The following TREM2 variants were observed in gnomAD, a reference collection of about 807,000 sequenced individuals.
The protein encoded by TREM2 is triggering receptor expressed on monocytes 2.
Under a neutral mutation model 22.9 loss-of-function variants are expected in TREM2, and 20 were observed. That is an observed-to-expected ratio of 0.87 (90% confidence interval 0.61 to 1.27). The LOEUF is 1.27. Among genes scored for constraint, TREM2 ranks in the 50% most tolerant of loss-of-function variants. The pLI, the probability that TREM2 is intolerant of heterozygous loss-of-function variation, is 0.00. For synonymous variants in TREM2, 111 were observed against 120.9 expected (o/e 0.92, Z 0.54); for missense variants, 267 against 289.0 (o/e 0.92, Z 0.55).
chr6:41,158,517 A>G lies in TREM2; in HGVS notation c.*247T>C. ...ATGATGCCCAAAACTATCCAGCTAAATATGACAGTCTTGGATTTATTTGTA... is the reference window on the plus strand; with the variant it reads ...ATGATGCCCAAAACTATCCAGCTAAGTATGACAGTCTTGGATTTATTTGTA... On this transcript the variant is annotated 3_prime_UTR_variant, in exon 5 of 5. Transcript: ENST00000373113. 1 of 1,346,594 alleles carries G rather than the reference A, an allele frequency of 7.4e-7. No homozygotes were observed. Among genetic ancestry groups the G allele is most frequent in the Non-Finnish European group, 1.0e-6 (1 of 992,968 alleles). The allele number at this position is 1,346,594 out of a possible 1,614,324, so 83.4% of individuals were successfully genotyped here. A position where few individuals can be genotyped will look rare whatever the true frequency, so the allele number is the denominator to read the frequency against.
At chr6:41,161,759 T>C in intron 1 of TREM2, 146 bp from the exon 2 acceptor site, 1 of 717,622 alleles carries the variant, frequency 1.4e-6, no homozygotes, top group Non-Finnish European at 2.4e-6. Context: ...CAGCATGTGT[T>C]TGTGGGAAAT....
rs1765604363 is a variant in TREM2, at chr6:41,162,940, T to G, written c.40+103A>C. Reference sequence around the variant, plus strand: ...ACAGGGCACTCAGGCATGCGAGGACTGCCACCGCCTTCATAATTCACCCCA... The same window carrying G: ...ACAGGGCACTCAGGCATGCGAGGACGGCCACCGCCTTCATAATTCACCCCA... On this transcript the variant is annotated intron_variant, in intron 1 of 4. Transcript: ENST00000373113. 2.7e-6 allele frequency: 4 copies of G among 1,503,638 alleles called. No homozygotes were observed. The African/African-American group carries it at 5.5e-5, about 21-fold the overall frequency. The allele number at this position is 1,503,638 out of a possible 1,614,324, so 93.1% of individuals were successfully genotyped here.
At chr6:41,160,101 C>T (rs764276702) in intron 2 of TREM2, among the ~76,000 whole-genome samples, 2 of 152,166 alleles carry the variant, frequency 1.3e-5, no homozygotes, top group Non-Finnish European at 2.9e-5. Flanking sequence ...GTGAGGGCAC[C>T]TCTGTGCCGT....
chr6:41,161,480 G>T lies in TREM2; in HGVS notation c.174C>A (p.Gly58=). The T allele has an allele frequency of 6.2e-7, 1 of 1,614,216 alleles. No homozygotes were observed. Among genetic ancestry groups the T allele is most frequent in the Middle Eastern group, 1.7e-4 (1 of 6,060 alleles). Residue 58 remains glycine, a synonymous_variant, in exon 2 of 5, where the codon GGC becomes GGA. Coordinates refer to ENST00000373113, the MANE Select transcript of TREM2 (RefSeq NM_018965.4). ...GCGTGCTGACCACACGCTGGCATGGGCCCTTCTCTCCCAGCTGGCGGCACC... is the reference window on the plus strand; with the variant it reads ...GCGTGCTGACCACACGCTGGCATGGTCCCTTCTCTCCCAGCTGGCGGCACC... The part of the protein sequence containing the change: ...KAWCRQLGEK[G]PCQRVVSTHN...
At chr6:41,160,126 C>T (rs1017453791) in intron 2 of TREM2, among the ~76,000 whole-genome samples, 2 of 152,168 alleles carry the variant, frequency 1.3e-5, no homozygotes, top group African/African-American at 4.8e-5. Context: ...AGCACCTCAT[C>T]GGAGCTCAGT....
rs368255898 is a variant in TREM2 at position 41,161,400 on chromosome 6, G to T, written c.254C>A (p.Thr85Lys). 6.2e-7 allele frequency: 1 copy of T among 1,614,150 alleles called. No individual in the cohort carries two copies. The highest frequency in any genetic ancestry group is 8.5e-7 in the Non-Finnish European group (1 of 1,180,056). Residue 85 changes from threonine (T) to lysine (K), a missense_variant, in exon 2 of 5, where the codon ACA becomes AAA. Coordinates refer to ENST00000373113, the MANE Select transcript of TREM2 (RefSeq NM_018965.4). ...LRRWNGSTAI[T>K]DDTLGGTLTI... ...GAGAGTGCCACCCAGGGTATCGTCT[G>T]TGATGGCTGTGCTCCCATTCCACCT... is the stretch of plus-strand genomic sequence containing the variant.
rs1765504046 is a variant in TREM2 at position 41,159,500 on chromosome 6, G to A, written c.482+292C>T. On this transcript the variant is annotated intron_variant, in intron 3 of 4. Transcript: ENST00000373113. The stretch of plus-strand genomic sequence containing the variant: ...ACATTCATTGTTGCTGAATTATGGG[G>A]ATGTCTGGGGGCTGCCAGGGGAGGG... 2.0e-5 allele frequency among the ~76,000 whole-genome samples: 3 copies of A among 152,200 alleles called. No individual in the cohort carries two copies. In the South Asian group the frequency reaches 6.2e-4, roughly 31 times the overall value.
At chr6:41,161,117 C>T (rs1307960453) in intron 2 of TREM2, 146 bp downstream of exon 2, 7 of 788,846 alleles carry the variant, frequency 8.9e-6, no homozygotes, top group Non-Finnish European at 1.4e-5. Context: ...CACAACTATC[C>T]TTGGTAGCCC....
At chr6:41,159,697 G>T in intron 3 of TREM2, 95 bp downstream of exon 3, 2 of 1,116,936 alleles carry the variant, frequency 1.8e-6, no homozygotes, top group Non-Finnish European at 1.4e-6. Context: ...TAGTTGCCTT[G>T]TAATTTGTAG....
At chr6:41,162,683 T>C (rs895277605) in intron 1 of TREM2, among the ~76,000 whole-genome samples, 1 of 152,072 alleles carries the variant, frequency 6.6e-6, no homozygotes, top group Non-Finnish European at 1.5e-5. Context: ...TCATAATTAG[T>C]GGCTTATAAT....
chr6:41,159,962 G>A, intron 2 of TREM2, 80 bp from the exon 3 acceptor site: 1 of 1,103,216 alleles, frequency 9.1e-7, no homozygotes, highest in Admixed American at 1.9e-5. Context: ...AACCTTTATG[G>A]GTGGGGTGAG....
At position 41,159,018 on chromosome 6, in the gene TREM2, GAGA is replaced by G; in HGVS notation, c.528_530del (p.Leu179del). Reference sequence around the variant, plus strand: ...TGATGAGAAAGATGCAGGCCAGGAGGAGAAGGATGGAAGTGGGTGGGAAGGGGA... The same window carrying G: ...TGATGAGAAAGATGCAGGCCAGGAGGAGGATGGAAGTGGGTGGGAAGGGGA... On this transcript the variant is annotated inframe_deletion, in exon 4 of 5. Transcript: ENST00000373113. 1 of 1,614,194 alleles carries G rather than the reference GAGA, an allele frequency of 6.2e-7. No homozygotes were observed. Among genetic ancestry groups the G allele is most frequent in the Non-Finnish European group, 8.5e-7 (1 of 1,180,026 alleles).
intron 2 of TREM2, among the ~76,000 whole-genome samples, chr6:41,160,857 T>G (rs73427275): frequency 0.039 from 5,868 of 152,226 alleles, 342 homozygotes; most frequent in African/African-American, 0.12. Context: ...GGCCATTGGT[T>G]GGTTGGTGAG....
At chr6:41,160,596 C>T (rs928709084) in intron 2 of TREM2, among the ~76,000 whole-genome samples, 4 of 152,144 alleles carry the variant, frequency 2.6e-5, no homozygotes, top group Non-Finnish European at 4.4e-5. Context: ...CCTACTCACA[C>T]CTGGAATGAC....
At position 41,161,265 on chromosome 6, in the gene TREM2, G is replaced by A. The variant is rs201280312; in HGVS notation, c.389C>T (p.Ala130Val). ...AGAGGCAGCCACTGCCCACTCACCT[G>A]CCAGCACCTCCACCAGGACCTTCCT... ...TLRKVLVEVL[A>V]DPLDHRDAGD... The change falls in exon 2 of 5, where the codon GCA becomes GTA. Residue 130 changes from alanine (A) to valine (V), a missense_variant and splice_region_variant. Ala to Val is a moderately conservative substitution (Grantham distance 64). Coordinates refer to ENST00000373113, the MANE Select transcript of TREM2 (RefSeq NM_018965.4). 3.1e-6 allele frequency: 5 copies of A among 1,613,612 alleles called. No individual in the cohort carries two copies. In the East Asian group the frequency reaches 1.1e-4, roughly 36 times the overall value.
rs754022211 is a variant in TREM2 at position 41,159,842 on chromosome 6, G to A, written c.432C>T (p.Pro144=). 1.7e-5 allele frequency: 27 copies of A among 1,613,906 alleles called. No homozygotes were observed. The highest frequency in any genetic ancestry group is 1.6e-4 in the Middle Eastern group (1 of 6,082). ...DHRDAGDLWF[P]GESESFEDAH... ...CATCCTCGAAGCTCTCAGACTCCCC[G>A]GGGAACCAGAGATCTCCAGCATCCC... The change falls in exon 3 of 5, where the codon CCC becomes CCT. Residue 144 remains proline, a synonymous_variant. Coordinates refer to ENST00000373113, the MANE Select transcript of TREM2 (RefSeq NM_018965.4).
chr6:41,160,519 C>G (rs1765535025), intron 2 of TREM2, among the ~76,000 whole-genome samples: 1 of 152,004 alleles, frequency 6.6e-6, no homozygotes, highest in African/African-American at 2.4e-5. Context: ...CAGACTCAAG[C>G]AGAAGGCCTT....
At position 41,161,417 on chromosome 6, in the gene TREM2, A is replaced by G; in HGVS notation, c.237T>C (p.Asn79=). The G allele has an allele frequency of 6.2e-7, 1 of 1,614,216 alleles. No homozygotes were observed. The highest frequency in any genetic ancestry group is 8.5e-7 in the Non-Finnish European group (1 of 1,180,034). Residue 79 remains asparagine (N), a synonymous_variant, in exon 2 of 5, where the codon AAT becomes AAC. Coordinates refer to ENST00000373113, the MANE Select transcript of TREM2 (RefSeq NM_018965.4). ...LWLLSFLRRW[N]GSTAITDDTL... ...TATCGTCTGTGATGGCTGTGCTCCC[A>G]TTCCACCTCCTCAGGAAGGACAGCA...
chr6:41,162,206 T>G (rs1473820049), intron 1 of TREM2, among the ~76,000 whole-genome samples: 1 of 152,186 alleles, frequency 6.6e-6, no homozygotes, highest in Non-Finnish European at 1.5e-5. Context: ...TGCTTTGACT[T>G]CTCTCTTGGT....
Sources: allele counts gnomAD v4.1 joint callset (sites outside exome capture counted in the v4.1 genomes callset), GRCh38; gene constraint gnomAD v4.1.1; transcripts MANE v1.5; gene names NCBI Gene and HGNC (gene_info 2026-07-23, HGNC 2026-07-21).